FGFR1: variants seen among roughly 807,000 people sequenced by gnomAD.
The protein encoded by FGFR1 is FGFR1/PLAG1 fusion.
Under a neutral mutation model 93.7 loss-of-function variants are expected in FGFR1, and 18 were observed. The observed-to-expected ratio is 0.19, with a 90% confidence interval of 0.13 to 0.28. The LOEUF is 0.28. FGFR1 is among the 10% of genes least tolerant of loss of function. The pLI, the probability that FGFR1 is intolerant of heterozygous loss-of-function variation, is 1.00. For missense variants in FGFR1, 731 were observed against 1,080.4 expected, an observed-to-expected ratio of 0.68 and a Z score of 4.53; for synonymous variants, 448 against 429.3, an observed-to-expected ratio of 1.04 and a Z score of -0.54.
intron 16 of FGFR1, 44 bp from the exon 17 acceptor site, chr8:38,414,067 T>C: frequency 1.2e-6 from 2 of 1,613,700 alleles, no homozygotes; most frequent in Non-Finnish European, 1.7e-6. Context: ...TGGAGATGGA[T>C]ACTCTCTAGT....
intron 1 of FGFR1, among the ~76,000 whole-genome samples, chr8:38,460,174 C>G (rs1055170037): frequency 1.3e-5 from 2 of 152,124 alleles, no homozygotes; most frequent in African/African-American, 4.8e-5. Context: ...CGGAGTGAGA[C>G]TCTGTCTCAA....
intron 2 of FGFR1, 106 bp from the exon 3 acceptor site, chr8:38,430,054 C>G: frequency 2.6e-6 from 3 of 1,164,120 alleles, no homozygotes; most frequent in South Asian, 1.5e-5. Context: ...CACACGGAGC[C>G]GCACCATCCT....
chr8:38,423,084 T>C (rs759358214), intron 7 of FGFR1: 66 of 779,490 alleles, frequency 8.5e-5, no homozygotes, highest in East Asian at 3.2e-4. Flanking sequence ...ACCAATATAA[T>C]TGGAAACCTT....
chr8:38,462,233 C>T (rs1273143449), intron 1 of FGFR1, among the ~76,000 whole-genome samples: 3 of 152,112 alleles, frequency 2.0e-5, no homozygotes, highest in Non-Finnish European at 2.9e-5. Flanking sequence ...TGGCCAGGCG[C>T]GGTGGCTCAC....
intron 2 of FGFR1, among the ~76,000 whole-genome samples, chr8:38,454,193 T>C (rs1358784912): frequency 6.6e-6 from 1 of 151,716 alleles, no homozygotes; most frequent in Non-Finnish European, 1.5e-5. Context: ...GCAGCTTCCG[T>C]GAAGCCCCCT....
chr8:38,430,356 C>T (rs1430625738), intron 2 of FGFR1: 6 of 202,292 alleles, frequency 3.0e-5, no homozygotes, highest in Admixed American at 5.4e-5. Flanking sequence ...CAGAGGAACA[C>T]CCCATTTCCT....
rs1426059398 is a variant in FGFR1 at position 38,424,938 on chromosome 8, C to T, written c.746-239G>A. 6.6e-6 allele frequency among the ~76,000 whole-genome samples: 1 copy of T among 152,222 alleles called. No individual in the cohort carries two copies. Among genetic ancestry groups the T allele is most frequent in the East Asian group, 1.9e-4 (1 of 5,200 alleles). On this transcript the variant is annotated intron_variant, in intron 6 of 17. Coordinates refer to ENST00000447712, the MANE Select transcript of FGFR1 (RefSeq NM_023110.3). The surrounding 1 kb of genome is among the most constrained non-coding windows in gnomAD (Gnocchi z 4.3). The stretch of plus-strand genomic sequence containing the variant: ...TCATATTTACAGTCACAGTAAGTCG[C>T]TCATGCTTTAATGGAGAACCTTCTA...
rs202090422 is a variant in FGFR1 at position 38,452,980 on chromosome 8, AAATT to A, written c.91+4372_91+4375del. Among the ~76,000 whole-genome samples, 207 of 152,318 alleles carry A rather than the reference AAATT, an allele frequency of 1.4e-3. 2 individuals carry two copies. In the East Asian group the frequency reaches 0.021, roughly 15 times the overall value. Reference sequence around the variant, plus strand: ...GACAGAGTGAGACTCCGTCTCAAATAAATTAATTAATTAATTAAAAAATATCAGC... The same window carrying A: ...GACAGAGTGAGACTCCGTCTCAAATAAATTAATTAATTAAAAAATATCAGC... On this transcript the variant is annotated intron_variant, in intron 2 of 17. Coordinates refer to ENST00000447712, the MANE Select transcript of FGFR1 (RefSeq NM_023110.3).
rs777103792 is a variant in FGFR1, at chr8:38,419,678, T to C, written c.1139A>G (p.Tyr380Cys). Reference sequence around the variant, plus strand: ...GGAGATGAGGAAGGCCCCTGTGCAATAGATGATGATCTCCAGGTACAGGGG... The same window carrying C: ...GGAGATGAGGAAGGCCCCTGTGCAACAGATGATGATCTCCAGGTACAGGGG... ...TSPLYLEIII[Y>C]CTGAFLISCM... Residue 380 changes from tyrosine to cysteine, a missense_variant, in exon 9 of 18, where the codon TAT becomes TGT. By Grantham distance (194) the Tyr-to-Cys change is radical. Around this residue, in one of 10 missense-constraint regions of FGFR1, gnomAD observed 146 missense variants for 173.0 expected, o/e 0.84. Transcript: ENST00000447712. The C allele has an allele frequency of 4.3e-6, 7 of 1,613,944 alleles. No individual in the cohort carries two copies. The highest frequency in any genetic ancestry group is 2.7e-5 in the African/African-American group (2 of 74,888).
At position 38,427,943 on chromosome 8, in the gene FGFR1, T is replaced by C. The variant is rs2150910462; in HGVS notation, c.599A>G (p.Asp200Gly). 1.2e-6 allele frequency: 2 copies of C among 1,614,272 alleles called. No individual in the cohort carries two copies. Among genetic ancestry groups the C allele is most frequent in the Non-Finnish European group, 1.7e-6 (2 of 1,180,052 alleles). ...TACCTTGTAGCCTCCAATTCTGTGG[T>C]CAGGTTTGAATTCTTTGCCATTTTT... The part of the protein sequence containing the change: ...WLKNGKEFKP[D>G]HRIGGYKVRY... The change falls in exon 5 of 18, where the codon GAC becomes GGC. Residue 200 changes from aspartate (D) to glycine (G), a missense_variant. Asp to Gly is a moderately conservative substitution (Grantham distance 94). Transcript: ENST00000447712.
At chr8:38,416,754 C>T (rs112172988) in intron 12 of FGFR1, among the ~76,000 whole-genome samples, 1 of 151,602 alleles carries the variant, frequency 6.6e-6, no homozygotes, top group Non-Finnish European at 1.5e-5. Flanking sequence ...TGTGCCTGGC[C>T]TATTTATTTA....
chr8:38,457,513 G>A lies in FGFR1; in HGVS notation c.-67C>T, dbSNP rs1281861739. Reference sequence around the variant, plus strand: ...TCCATGGATACTCCACAGTGAGCTCGATCCTCCTTTTCAAACTGACCCTGA... The same window carrying A: ...TCCATGGATACTCCACAGTGAGCTCAATCCTCCTTTTCAAACTGACCCTGA... On this transcript the variant is annotated 5_prime_UTR_variant, in exon 2 of 18. Transcript: ENST00000447712. The A allele has an allele frequency of 2.5e-6, 4 of 1,605,038 alleles. No homozygotes were observed. Among genetic ancestry groups the A allele is most frequent in the South Asian group, 1.1e-5 (1 of 89,954 alleles).
At chr8:38,417,644 G>T in intron 11 of FGFR1, 1 of 733,386 alleles carries the variant, frequency 1.4e-6, no homozygotes, top group Non-Finnish European at 2.3e-6. Flanking sequence ...GATGGATCCA[G>T]GATAAACACC....
At chr8:38,457,585 G>C (rs2151356184) in intron 1 of FGFR1, 51 bp from the exon 2 acceptor site, 2 of 1,525,060 alleles carry the variant, frequency 1.3e-6, no homozygotes, top group Non-Finnish European at 1.8e-6. Flanking sequence ...GGTAGGGGAG[G>C]GGAAAGGAAA....
chr8:38,440,821 A>C lies in FGFR1; in HGVS notation c.92-10873T>G, dbSNP rs1827173103. On this transcript the variant is annotated intron_variant, in intron 2 of 17. Transcript: ENST00000447712. The stretch of plus-strand genomic sequence containing the variant: ...CCCCGTGCGTTGCCATGGGGACCCC[A>C]CCGGGGCTTACTAAAGGTATTTCCT... Among the ~76,000 whole-genome samples, 3 of 152,066 alleles carry C rather than the reference A, an allele frequency of 2.0e-5. No homozygotes were observed. In the South Asian group the frequency reaches 6.2e-4, roughly 32 times the overall value.
chr8:38,431,542 C>G (rs974689355), intron 2 of FGFR1, among the ~76,000 whole-genome samples: 2 of 152,166 alleles, frequency 1.3e-5, no homozygotes, highest in Non-Finnish European at 2.9e-5. Context: ...TTATTTGAAA[C>G]ACGGTCTTCC....
At chr8:38,436,548 C>A (rs1041244383) in intron 2 of FGFR1, among the ~76,000 whole-genome samples, 39 of 152,240 alleles carry the variant, frequency 2.6e-4, no homozygotes, top group Middle Eastern at 3.4e-3. Flanking sequence ...TGGGTCAAAG[C>A]AGCTGGCGGG....
At chr8:38,462,283 A>T (rs1208648540) in intron 1 of FGFR1, among the ~76,000 whole-genome samples, 2 of 152,152 alleles carry the variant, frequency 1.3e-5, no homozygotes, top group Non-Finnish European at 2.9e-5. Flanking sequence ...AGGTGGGCAA[A>T]TCACGAGGTC....
chr8:38,431,443 A>G (rs1823089632), intron 2 of FGFR1, among the ~76,000 whole-genome samples: 1 of 152,162 alleles, frequency 6.6e-6, no homozygotes, highest in African/African-American at 2.4e-5. Context: ...GTTGCTCAAG[A>G]AATGCTTGCT....
Sources: gnomAD v4.1 joint callset for allele counts (sites outside exome capture counted in the v4.1 genomes callset) on GRCh38, gnomAD v4.1.1 for gene constraint, gnomAD v4.1.1 regional missense constraint, Gnocchi (gnomAD v3.1) non-coding constraint, MANE v1.5 for transcripts, NCBI Gene and HGNC (gene_info 2026-07-23, HGNC 2026-07-21) for gene names.